CELF5: variants seen among roughly 807,000 people sequenced by gnomAD.
CELF5 encodes the protein CUG-BP and ETR-3 like factor 5.
Under a neutral mutation model 54.9 loss-of-function variants are expected in CELF5, and 6 were observed. That is an observed-to-expected ratio of 0.11 (90% CI 0.06 to 0.22). The LOEUF (loss-of-function observed/expected upper bound fraction) is 0.22, where lower values mean the gene tolerates loss of function less well. Ranked by LOEUF, CELF5 falls within the 10% of genes least tolerant of loss-of-function variation. The probability of loss-of-function intolerance (pLI) is 1.00; values close to 1 mark genes in which losing one functional copy is unlikely to be tolerated. For synonymous variants in CELF5, 271 were observed against 290.9 expected (o/e 0.93, Z 0.70); for missense variants, 401 against 678.6 (o/e 0.59, Z 4.54).
At position 3,224,910 on chromosome 19, in the gene CELF5, C is replaced by T. The variant is rs201600115; in HGVS notation, c.171C>T (p.Asp57=). ...TGGGCCAGATCCCGCGGCACCTGGA[C>T]GAGAAGGACCTCAAGCCGCTCTTCG... ...LFVGQIPRHL[D]EKDLKPLFEQ... Residue 57 remains aspartate, a synonymous_variant, in exon 1 of 13, where the codon GAC becomes GAT. Transcript: ENST00000292672. The T allele has an allele frequency of 8.1e-6, 13 of 1,608,488 alleles. No homozygotes were observed. Among genetic ancestry groups the T allele is most frequent in the South Asian group, 5.5e-5 (5 of 90,184 alleles).
chr19:3,285,033 C>CCCCGCCCCCAGGGG, intron 9 of CELF5, 69 bp downstream of exon 9: 1 of 1,165,414 alleles, frequency 8.6e-7, no homozygotes, highest in Non-Finnish European at 1.2e-6. Flanking sequence ...GCCCCCAGGG[C>CCCCGCCCCCAGGGG]CCGCCCCGGA....
chr19:3,245,549 T>C (rs1360773033), intron 1 of CELF5, among the ~76,000 whole-genome samples: 2 of 149,146 alleles, frequency 1.3e-5, no homozygotes, highest in East Asian at 2.0e-4. Context: ...CTCCAAACCC[T>C]GCAGACAAGG....
chr19:3,229,098 G>GC (rs1917124115), intron 1 of CELF5, among the ~76,000 whole-genome samples: 1 of 43,766 alleles, frequency 2.3e-5, no homozygotes, highest in Admixed American at 2.7e-4. Context: ...CCCTCCCCCC[G>GC]CCCCCCGCTT....
At chr19:3,271,219 G>A (rs1238765741) in intron 2 of CELF5, among the ~76,000 whole-genome samples, 1 of 146,490 alleles carries the variant, frequency 6.8e-6, no homozygotes, top group African/African-American at 2.6e-5. Context: ...GCAGGAGTCT[G>A]GAGCTCCTGC....
At chr19:3,276,334 T>C (rs1414543748) in intron 4 of CELF5, among the ~76,000 whole-genome samples, 8 of 141,554 alleles carry the variant, frequency 5.7e-5, no homozygotes, top group Non-Finnish European at 1.1e-4. Context: ...GGGGAGGAGC[T>C]GGCTCTGAGG....
chr19:3,225,049 C>T, intron 1 of CELF5, 51 bp downstream of exon 1: 2 of 1,264,646 alleles, frequency 1.6e-6, no homozygotes, highest in Non-Finnish European at 2.2e-6. Flanking sequence ...CCTCCCACCC[C>T]ACCTTCCGGC....
intron 8 of CELF5, among the ~76,000 whole-genome samples, chr19:3,283,704 G>C (rs1303505820): frequency 6.6e-6 from 1 of 152,068 alleles, no homozygotes; most frequent in African/African-American, 2.4e-5. Flanking sequence ...AGCAGTCCCA[G>C]GTACCCTTCA....
At chr19:3,248,927 T>C (rs1599412341) in intron 1 of CELF5, among the ~76,000 whole-genome samples, 1 of 83,194 alleles carries the variant, frequency 1.2e-5, no homozygotes. Context: ...TCTTTCTTTC[T>C]TTTCTTTTCT....
rs1260101429 is a variant in CELF5, at chr19:3,281,412, C to T, written c.750+67C>T. ...CTCTCAGTCTCTGTCTACTCTCTGTCGGGCTCCTGCCTCTCCCTCCATCTC... is the reference window on the plus strand; with the variant it reads ...CTCTCAGTCTCTGTCTACTCTCTGTTGGGCTCCTGCCTCTCCCTCCATCTC... On this transcript the variant is annotated intron_variant, in intron 6 of 12. Coordinates refer to ENST00000292672, the MANE Select transcript of CELF5 (RefSeq NM_021938.4). The surrounding 1 kb of genome is among the most constrained non-coding windows in gnomAD (Gnocchi z 6.5). 33 of 1,520,956 alleles carry T rather than the reference C, an allele frequency of 2.2e-5. No individual in the cohort carries two copies. The highest frequency in any genetic ancestry group is 1.9e-4 in the Admixed American group (11 of 56,490). The allele number at this position is 1,520,956 out of a possible 1,614,324, so 94.2% of individuals were successfully genotyped here. A position where few individuals can be genotyped will look rare whatever the true frequency, so the allele number is the denominator to read the frequency against.
chr19:3,285,557 C>T (rs546051527), intron 9 of CELF5, among the ~76,000 whole-genome samples: 92 of 150,242 alleles, frequency 6.1e-4, no homozygotes, highest in African/African-American at 2.1e-3. Flanking sequence ...ACTGTGACCC[C>T]ACCCCTCAAG....
rs1007267955 is a variant in CELF5 at position 3,231,502 on chromosome 19, A to G, written c.259+6504A>G. Among the ~76,000 whole-genome samples, 38 of 145,822 alleles carry G rather than the reference A, an allele frequency of 2.6e-4. 1 individual carries two copies. The highest frequency in any genetic ancestry group is 9.3e-4 in the African/African-American group (36 of 38,774). On this transcript the variant is annotated intron_variant, in intron 1 of 12. Coordinates refer to ENST00000292672, the MANE Select transcript of CELF5 (RefSeq NM_021938.4). Reference sequence around the variant, plus strand: ...GATGGATGGATGGATGGGTGGATGAATGGATTTATGGATGGATGGGTGGAT... The same window carrying G: ...GATGGATGGATGGATGGGTGGATGAGTGGATTTATGGATGGATGGGTGGAT...
At chr19:3,296,200 C>T (rs1373377040) in intron 12 of CELF5, 1 of 151,414 alleles carries the variant, frequency 6.6e-6, no homozygotes, top group Non-Finnish European at 1.5e-5. Flanking sequence ...GAGGGTGCCT[C>T]TGTACAGCTG....
At chr19:3,225,655 T>C in intron 1 of CELF5, 3 of 943,932 alleles carry the variant, frequency 3.2e-6, no homozygotes, top group Non-Finnish European at 3.8e-6. Flanking sequence ...GGCGCCCGGC[T>C]CGGGGGGACG....
At chr19:3,225,690 GCGGAGAGGCTCC>G (rs1916867415) in intron 1 of CELF5, 1 of 681,960 alleles carries the variant, frequency 1.5e-6, no homozygotes, top group Non-Finnish European at 1.8e-6. Flanking sequence ...GCCTCGGGTG[GCGGAGAGGCTCC>G]CGTCGCTGCC....
At chr19:3,269,536 G>C (rs1302728272) in intron 2 of CELF5, among the ~76,000 whole-genome samples, 1 of 152,088 alleles carries the variant, frequency 6.6e-6, no homozygotes, top group Non-Finnish European at 1.5e-5. Context: ...GAGACTCCTT[G>C]GCTGCCCCAG....
intron 2 of CELF5, chr19:3,270,543 G>A (rs2079944329): frequency 6.8e-6 from 1 of 147,990 alleles, no homozygotes; most frequent in South Asian, 2.1e-4. Flanking sequence ...CTGGGCGTCG[G>A]GCGCAGGGCG....
chr19:3,263,766 G>A (rs941474419), intron 2 of CELF5, among the ~76,000 whole-genome samples: 6 of 151,274 alleles, frequency 4.0e-5, no homozygotes, highest in South Asian at 2.1e-4. Flanking sequence ...TGAGCCGGGC[G>A]TGGTGGTGGG....
chr19:3,258,938 C>A (rs1221139211), intron 2 of CELF5, among the ~76,000 whole-genome samples: 1 of 152,168 alleles, frequency 6.6e-6, no homozygotes, highest in Admixed American at 6.6e-5. Flanking sequence ...GAGCCACCAT[C>A]TAACTCACTC....
chr19:3,252,514 G>A (rs2079665326), intron 2 of CELF5, among the ~76,000 whole-genome samples: 1 of 152,152 alleles, frequency 6.6e-6, no homozygotes, highest in Non-Finnish European at 1.5e-5. Flanking sequence ...CTGGGGCAGG[G>A]AGCTCACCCT....
Sources: gnomAD v4.1 joint callset for allele counts (sites outside exome capture counted in the v4.1 genomes callset) on GRCh38, gnomAD v4.1.1 for gene constraint, Gnocchi (gnomAD v3.1) non-coding constraint, MANE v1.5 for transcripts, NCBI Gene and HGNC (gene_info 2026-07-23, HGNC 2026-07-21) for gene names.